Variants in TMEM138 observed in about 807,000 individuals in gnomAD.
TMEM138 encodes transmembrane protein 138.
A neutral mutation model predicts 18.1 loss-of-function variants in TMEM138; 9 were observed. The observed-to-expected ratio is 0.50, with a 90% confidence interval of 0.30 to 0.87. The LOEUF is 0.87. Ranked by LOEUF, TMEM138 falls within the 40% of genes least tolerant of loss-of-function variation. The probability of loss-of-function intolerance (pLI) is 0.06; values close to 1 mark genes in which losing one functional copy is unlikely to be tolerated. For missense variants in TMEM138, 189 were observed against 190.6 expected, an observed-to-expected ratio of 0.99 and a Z score of 0.05; for synonymous variants, 79 against 74.8, an observed-to-expected ratio of 1.06 and a Z score of -0.29.
At position 61,367,956 on chromosome 11, in the gene TMEM138, T is replaced by C. The variant is rs1858212131; in HGVS notation, c.334T>C (p.Trp112Arg). 4 of 1,613,802 alleles carry C rather than the reference T, an allele frequency of 2.5e-6. No individual in the cohort carries two copies. The highest frequency in any genetic ancestry group is 3.4e-6 in the Non-Finnish European group (4 of 1,179,708). ...LRWKNSNSFI[W>R]TDGLQMLFVF... ...CTGGAAAAACTCCAACAGCTTCATA[T>C]GGACAGATGGACTTCAAATGCTGTT... The change falls in exon 4 of 5, where the codon TGG (tryptophan) becomes CGG (arginine). Residue 112 changes from tryptophan (W) to arginine (R), a missense_variant. Transcript: ENST00000278826.
chr11:61,364,651 A>T, intron 2 of TMEM138, 133 bp downstream of exon 2: 1 of 1,243,512 alleles, frequency 8.0e-7, no homozygotes, highest in Non-Finnish European at 1.1e-6. Context: ...GACTTTGGGA[A>T]GCCAAGGCAG....
chr11:61,376,617 G>GA (rs1206487659), downstream of TMEM138, among the ~76,000 whole-genome samples: 1 of 152,106 alleles, frequency 6.6e-6, no homozygotes, highest in Non-Finnish European at 1.5e-5. Context: ...AACTTCAGAA[G>GA]AAAAATAACA....
chr11:61,374,034 G>T (rs1188549819), downstream of TMEM138, among the ~76,000 whole-genome samples: 1 of 151,376 alleles, frequency 6.6e-6, no homozygotes, highest in East Asian at 1.9e-4. Flanking sequence ...GTAGAGATGG[G>T]GTTTCGCCAT....
downstream of TMEM138, among the ~76,000 whole-genome samples, chr11:61,369,975 TC>T (rs1244864066): frequency 2.6e-5 from 4 of 152,294 alleles, no homozygotes; most frequent in African/African-American, 9.6e-5. Flanking sequence ...AACCACAAGT[TC>T]TTAGACTCTC....
chr11:61,368,511 C>A, intron 4 of TMEM138, 86 bp from the exon 5 acceptor site: 2 of 871,220 alleles, frequency 2.3e-6, no homozygotes, highest in Non-Finnish European at 3.7e-6. Flanking sequence ...CAGGCGTGAG[C>A]CACCACGCCT....
Position 61,364,402 on chromosome 11 carries a change from C to G in TMEM138, c.12C>G (p.Thr4=), listed in dbSNP as rs376500080. The G allele has an allele frequency of 1.2e-6, 2 of 1,613,996 alleles. No individual in the cohort carries two copies. The highest frequency in any genetic ancestry group is 2.7e-5 in the African/African-American group (2 of 74,914). ...AAAACAGAAGGAAGATGCTCCAGAC[C>G]AGTAACTACAGCCTGGTGCTCTCTC... MLQ[T]SNYSLVLSLQ... Residue 4 remains threonine, a synonymous_variant, in exon 2 of 5, where the codon ACC becomes ACG. Transcript: ENST00000278826.
At chr11:61,366,818 A>G (rs548352234) in intron 3 of TMEM138, 4 of 152,336 alleles carry the variant, frequency 2.6e-5, no homozygotes, top group African/African-American at 9.6e-5. Context: ...ATCTCACACA[A>G]TCCTTCGTAG....
chr11:61,365,724 G>A (rs1320206446), intron 2 of TMEM138: 1 of 199,954 alleles, frequency 5.0e-6, no homozygotes, highest in Non-Finnish European at 1.0e-5. Flanking sequence ...ATGAAACCCT[G>A]TCTCGAAAAA....
intron 4 of TMEM138, 84 bp from the exon 5 acceptor site, chr11:61,368,513 A>T: frequency 1.1e-6 from 1 of 898,006 alleles, no homozygotes; most frequent in South Asian, 1.4e-5. Context: ...GGCGTGAGCC[A>T]CCACGCCTGG....
At chr11:61,371,666 A>G (rs1590632284), downstream of TMEM138, among the ~76,000 whole-genome samples, 1 of 152,252 alleles carries the variant, frequency 6.6e-6, no homozygotes, top group African/African-American at 2.4e-5. Context: ...ACAATAATCC[A>G]TGACAAAGCC....
Position 61,366,213 on chromosome 11 carries a change from C to T in TMEM138, c.297C>T (p.Val99=). ...TCAGCATCTCCCTTCATGTCTGGGT[C>T]ATGGTAAGAGTGGCAGTCTGAATTC... ...FALSISLHVW[V]MNLRWKNSNS... Residue 99 remains valine, a synonymous_variant, in exon 3 of 5, where the codon GTC becomes GTT. Transcript: ENST00000278826. 1 of 1,611,034 alleles carries T rather than the reference C, an allele frequency of 6.2e-7. No individual in the cohort carries two copies. Among genetic ancestry groups the T allele is most frequent in the Non-Finnish European group, 8.5e-7 (1 of 1,179,096 alleles).
chr11:61,367,837 C>G, intron 3 of TMEM138, 86 bp from the exon 4 acceptor site: 2 of 813,034 alleles, frequency 2.5e-6, no homozygotes, highest in South Asian at 3.0e-5. Flanking sequence ...GATTTTAAAG[C>G]AACTGGCATC....
intron 2 of TMEM138, 108 bp from the exon 3 acceptor site, chr11:61,365,937 C>T: frequency 7.5e-7 from 1 of 1,331,312 alleles, no homozygotes. Context: ...ATGTCAGATG[C>T]CTATCTCACA....
In TMEM138 at chr11:61,367,941, T is replaced by TC; in HGVS notation, c.321dup (p.Asn108GlnfsTer28). On this transcript the variant is annotated frameshift_variant, in exon 4 of 5. Coordinates refer to ENST00000278826, the MANE Select transcript of TMEM138 (RefSeq NM_016464.5). LOFTEE classifies it high-confidence loss of function. ...CCTTCAGAACTTACGCTGGAAAAACTCCAACAGCTTCATATGGACAGATGG... is the reference window on the plus strand; with the variant it reads ...CCTTCAGAACTTACGCTGGAAAAACTCCCAACAGCTTCATATGGACAGATGG... The TC allele has an allele frequency of 1.2e-6, 2 of 1,613,324 alleles. No homozygotes were observed. Among genetic ancestry groups the TC allele is most frequent in the South Asian group, 1.1e-5 (1 of 91,066 alleles).
chr11:61,366,030 T>C lies in TMEM138; in HGVS notation c.129-15T>C, dbSNP rs1858134441. 1 of 1,606,470 alleles carries C rather than the reference T, an allele frequency of 6.2e-7. No homozygotes were observed. Among genetic ancestry groups the C allele is most frequent in the African/African-American group, 1.3e-5 (1 of 74,636 alleles). On this transcript the variant is annotated splice_polypyrimidine_tract_variant and intron_variant, in intron 2 of 4. Coordinates refer to ENST00000278826, the MANE Select transcript of TMEM138 (RefSeq NM_016464.5). ...CACAGGCCTTCATTGGTTGTACTTT[T>C]TTTTATGTCTACAGCATCCAGGATA...
At chr11:61,370,923 C>T (rs960926950), downstream of TMEM138, among the ~76,000 whole-genome samples, 1 of 152,132 alleles carries the variant, frequency 6.6e-6, no homozygotes, top group Non-Finnish European at 1.5e-5. Context: ...CTGCAGTGAC[C>T]TCAGCTGGGG....
intron 4 of TMEM138, 139 bp from the exon 5 acceptor site, chr11:61,368,458 C>T: frequency 1.6e-6 from 1 of 611,426 alleles, no homozygotes. Context: ...CGATCTCTGA[C>T]CTCATGATCC....
In TMEM138 at chr11:61,366,070, A is replaced by G; in HGVS notation, c.154A>G (p.Asn52Asp). The G allele has an allele frequency of 1.2e-6, 2 of 1,613,678 alleles. No individual in the cohort carries two copies. Among genetic ancestry groups the G allele is most frequent in the South Asian group, 1.1e-5 (1 of 91,014 alleles). ...CATCCAGGATATTGCAGTCCTCTTC[A>G]ACATCATCATCATTTTCCTCATGTT... Reference protein sequence around the residue: ...FIIQDIAVLFNIIIIFLMFFN... With the variant: ...FIIQDIAVLFDIIIIFLMFFN... The change falls in exon 3 of 5, where the codon AAC becomes GAC. Residue 52 changes from asparagine (N) to aspartate (D), a missense_variant. Coordinates refer to ENST00000278826, the MANE Select transcript of TMEM138 (RefSeq NM_016464.5).
downstream of TMEM138, among the ~76,000 whole-genome samples, chr11:61,375,715 G>C (rs1858426696): frequency 6.6e-6 from 1 of 152,220 alleles, no homozygotes; most frequent in Non-Finnish European, 1.5e-5. Context: ...GGAGAAACTG[G>C]TTATTTTACC....
Sources: allele counts gnomAD v4.1 joint callset (sites outside exome capture counted in the v4.1 genomes callset), GRCh38; gene constraint gnomAD v4.1.1; transcripts MANE v1.5; gene names NCBI Gene and HGNC (gene_info 2026-07-23, HGNC 2026-07-21).